The following GALC variants were observed in gnomAD, a reference collection of about 807,000 sequenced individuals.
The protein encoded by GALC is galactosylceramidase, also known as galactocerebrosidase.
A neutral mutation model predicts 91.8 loss-of-function variants in GALC; 77 were observed. The ratio of observed to expected loss-of-function variants is 0.84; its 90% CI spans 0.70 to 1.01. The LOEUF is 1.01. Ranked by LOEUF, GALC falls within the 50% of genes least tolerant of loss-of-function variation. The pLI, the probability that GALC is intolerant of heterozygous loss-of-function variation, is 0.00. For missense variants in GALC, 882 were observed against 855.9 expected, an observed-to-expected ratio of 1.03 and a Z score of -0.38; for synonymous variants, 357 against 306.7, an observed-to-expected ratio of 1.16 and a Z score of -1.71.
At position 87,934,224 on chromosome 14, in the gene GALC, G is replaced by A. The variant is rs1199005221; in HGVS notation, c.*508C>T. ...GGAAAATAAAAAAATACTTTTTAGA[G>A]CATAAAGCATAACAGGTTGAAGTGG... On this transcript the variant is annotated 3_prime_UTR_variant, in exon 17 of 17. Transcript: ENST00000261304. 2.2e-6 allele frequency: 3 copies of A among 1,383,154 alleles called. No individual in the cohort carries two copies. Among genetic ancestry groups the A allele is most frequent in the South Asian group, 3.3e-5 (2 of 60,714 alleles). 85.7% of individuals were successfully genotyped at this position (1,383,154 alleles called of 1,614,324 possible).
At chr14:87,950,819 G>C in intron 10 of GALC, 71 bp from the exon 11 acceptor site, 1 of 851,260 alleles carries the variant, frequency 1.2e-6, no homozygotes, top group South Asian at 1.5e-5. Flanking sequence ...AAGTTCAACA[G>C]TTAATGCCCA....
intron 10 of GALC, chr14:87,954,402 T>C: frequency 1.3e-6 from 2 of 1,597,590 alleles, no homozygotes; most frequent in Non-Finnish European, 1.7e-6. Context: ...GTGCTTGTAT[T>C]ATGGAGTCCT....
chr14:87,976,736 T>G, intron 6 of GALC: 1 of 409,540 alleles, frequency 2.4e-6, no homozygotes, highest in Non-Finnish European at 4.6e-6. Context: ...TGCCTCAGCC[T>G]CCCAAGTAGC....
chr14:87,938,817 T>C lies in GALC; in HGVS notation c.1911+1088A>G, dbSNP rs925511663. 5.3e-5 allele frequency among the ~76,000 whole-genome samples: 8 copies of C among 151,988 alleles called. No homozygotes were observed. In the East Asian group the frequency reaches 1.4e-3, roughly 26 times the overall value. ...TGACAGTATCAAAATGTAAAACTTA[T>C]AATCATCAAAAATACCATAAGCAAA... On this transcript the variant is annotated intron_variant, in intron 16 of 16. Coordinates refer to ENST00000261304, the MANE Select transcript of GALC (RefSeq NM_000153.4).
chr14:87,993,632 AGAGT>A, upstream of GALC: 1 of 647,992 alleles, frequency 1.5e-6, no homozygotes, highest in Non-Finnish European at 2.7e-6. Context: ...GAAGAGCAGC[AGAGT>A]GAGGGACTGA....
intron 14 of GALC, among the ~76,000 whole-genome samples, chr14:87,941,905 T>C (rs763397321): frequency 6.6e-6 from 1 of 151,964 alleles, no homozygotes; most frequent in Non-Finnish European, 1.5e-5. Flanking sequence ...CATTAAAAAG[T>C]AAAAAGTTCC....
intron 1 of GALC, chr14:87,992,349 C>CG (rs1289741190): frequency 1.3e-6 from 2 of 1,535,586 alleles, no homozygotes; most frequent in Non-Finnish European, 1.7e-6. Flanking sequence ...AGGGAGTACC[C>CG]GGTAGTTTCA....
intron 4 of GALC, among the ~76,000 whole-genome samples, chr14:87,984,956 T>C (rs528125836): frequency 6.6e-6 from 1 of 152,346 alleles, no homozygotes; most frequent in African/African-American, 2.4e-5. Context: ...GAGTTATGTA[T>C]AACACAAATT....
At chr14:87,947,973 C>T in intron 12 of GALC, 95 bp from the exon 13 acceptor site, 2 of 1,105,380 alleles carry the variant, frequency 1.8e-6, no homozygotes, top group Non-Finnish European at 2.7e-6. Context: ...AAAGAAAAGT[C>T]CAAATCATTT....
At chr14:87,990,860 G>C (rs1305260910) in intron 1 of GALC, among the ~76,000 whole-genome samples, 1 of 152,154 alleles carries the variant, frequency 6.6e-6, no homozygotes, top group Non-Finnish European at 1.5e-5. Context: ...GCCTGAATGA[G>C]GCCTGGAACT....
chr14:87,944,391 A>G (rs1884981669), intron 14 of GALC, among the ~76,000 whole-genome samples: 1 of 152,020 alleles, frequency 6.6e-6, no homozygotes, highest in South Asian at 2.1e-4. Context: ...CTGGAGATCA[A>G]AACAATGGGA....
At chr14:87,941,209 A>G (rs962376718) in intron 15 of GALC, among the ~76,000 whole-genome samples, 186 bp downstream of exon 15, 2 of 151,820 alleles carry the variant, frequency 1.3e-5, no homozygotes, top group Non-Finnish European at 2.9e-5. Context: ...AGCTGCCCCC[A>G]TCTCTAGGAA....
chr14:87,985,597 C>T (rs1248344700), intron 4 of GALC, among the ~76,000 whole-genome samples: 1 of 152,188 alleles, frequency 6.6e-6, no homozygotes, highest in Non-Finnish European at 1.5e-5. Flanking sequence ...ATACTTACTC[C>T]TAATTTCTTT....
chr14:87,991,200 T>G (rs1008391298), intron 1 of GALC, among the ~76,000 whole-genome samples: 23 of 152,100 alleles, frequency 1.5e-4, no homozygotes, highest in Non-Finnish European at 1.0e-4. Context: ...GGTTTTTGGG[T>G]TTTTTTGTTT....
At chr14:87,986,023 C>T (rs1426065876) in intron 4 of GALC, among the ~76,000 whole-genome samples, 4 of 152,188 alleles carry the variant, frequency 2.6e-5, no homozygotes, top group Non-Finnish European at 5.9e-5. Context: ...ATAGGGTTCA[C>T]TACTACATGC....
chr14:87,992,178 G>T, intron 1 of GALC: 2 of 982,696 alleles, frequency 2.0e-6, no homozygotes, highest in Non-Finnish European at 3.1e-6. Context: ...GTTCTGAGTT[G>T]AATGTAAGGA....
chr14:87,981,078 T>C (rs1886728954), intron 6 of GALC: 1 of 151,802 alleles, frequency 6.6e-6, no homozygotes, highest in Admixed American at 6.6e-5. Context: ...TCAGTACGAG[T>C]GGATAAAGAA....
At chr14:87,940,040 A>C in intron 15 of GALC, 59 bp from the exon 16 acceptor site, 1 of 1,374,668 alleles carries the variant, frequency 7.3e-7, no homozygotes, top group South Asian at 1.2e-5. Flanking sequence ...TCACAGAATC[A>C]TATAATTCAG....
intron 12 of GALC, among the ~76,000 whole-genome samples, chr14:87,948,814 C>T (rs429170): frequency 0.96 from 145,426 of 152,102 alleles, 69,838 homozygotes; most frequent in Non-Finnish European, 1. Flanking sequence ...GAACTTAATA[C>T]ATAATAAGGT....
Sources: gnomAD v4.1 joint callset for allele counts (sites outside exome capture counted in the v4.1 genomes callset) on GRCh38, gnomAD v4.1.1 for gene constraint, MANE v1.5 for transcripts, NCBI Gene and HGNC (gene_info 2026-07-23, HGNC 2026-07-21) for gene names.